The following SATB2 variants were observed in gnomAD, a reference collection of about 807,000 sequenced individuals.
SATB2 encodes the protein DNA-binding protein SATB2.
A neutral mutation model predicts 73.4 loss-of-function variants in SATB2; 1 was observed. That is an observed-to-expected ratio of 0.01 (90% CI 0.00 to 0.06). The LOEUF (loss-of-function observed/expected upper bound fraction) is 0.06. SATB2 is among the 10% of genes least tolerant of loss of function. SATB2 has a pLI of 1.00. For synonymous variants in SATB2, 397 were observed against 367.0 expected (o/e 1.08, Z -0.93); for missense variants, 459 against 945.8 (o/e 0.49, Z 6.75).
In SATB2 at chr2:199,463,307, T is replaced by C. The variant is rs915836552; in HGVS notation, c.-141+1529A>G. On this transcript the variant is annotated intron_variant, in intron 1 of 11. Transcript: ENST00000260926. This position sits in a 1 kb window ranked among gnomAD's most constrained non-coding sequence, Gnocchi z 6.4. ...GTAAACCGGGACAACAAGGCAAGGG[T>C]GGGGGAAGAAAAGGAAGCGCCGAAG... 1.3e-5 allele frequency among the ~76,000 whole-genome samples: 2 copies of C among 151,508 alleles called. No individual in the cohort carries two copies. Among genetic ancestry groups the C allele is most frequent in the Non-Finnish European group, 2.9e-5 (2 of 67,840 alleles).
At chr2:199,404,208 C>G (rs1426326383) in intron 3 of SATB2, among the ~76,000 whole-genome samples, 5 of 152,174 alleles carry the variant, frequency 3.3e-5, no homozygotes, top group African/African-American at 1.2e-4. Flanking sequence ...AGAAAAGAGG[C>G]AAGGCCTTTC....
chr2:199,301,177 A>G (rs1396548421), intron 10 of SATB2, among the ~76,000 whole-genome samples: 1 of 152,178 alleles, frequency 6.6e-6, no homozygotes, highest in Non-Finnish European at 1.5e-5. Flanking sequence ...AAGCTGCAAT[A>G]GAATAAAAAG....
At chr2:199,321,082 A>AAG (rs1559159840) in intron 9 of SATB2, among the ~76,000 whole-genome samples, 1 of 151,774 alleles carries the variant, frequency 6.6e-6, no homozygotes, top group East Asian at 2.0e-4. Flanking sequence ...AAGAAAAATA[A>AAG]AAGGAGGGAA....
At chr2:199,283,670 A>C (rs1390521847) in intron 10 of SATB2, among the ~76,000 whole-genome samples, 1 of 151,106 alleles carries the variant, frequency 6.6e-6, no homozygotes, top group Non-Finnish European at 1.5e-5. Context: ...GCCTGCAACA[A>C]TCAAAGCAGC....
chr2:199,448,548 C>T (rs999092641), intron 2 of SATB2, among the ~76,000 whole-genome samples: 12 of 152,280 alleles, frequency 7.9e-5, no homozygotes, highest in African/African-American at 1.9e-4. Flanking sequence ...GCTGTTTCTA[C>T]GACAAACCCC....
intron 3 of SATB2, among the ~76,000 whole-genome samples, chr2:199,390,347 T>A (rs911913001): frequency 6.6e-6 from 1 of 152,156 alleles, no homozygotes; most frequent in Admixed American, 6.5e-5. Context: ...TTGGGGTTGG[T>A]TCTAAACTTC....
intron 3 of SATB2, among the ~76,000 whole-genome samples, chr2:199,402,438 G>A (rs1690510976): frequency 6.6e-6 from 1 of 152,056 alleles, no homozygotes; most frequent in South Asian, 2.1e-4. Flanking sequence ...GGTACCTGTA[G>A]TCTCAGCTAC....
chr2:199,384,917 CAA>C (rs1359294396), intron 3 of SATB2, among the ~76,000 whole-genome samples: 2 of 152,158 alleles, frequency 1.3e-5, no homozygotes, highest in Admixed American at 1.3e-4. Context: ...CAGTTTATTT[CAA>C]AATACATTGA....
At chr2:199,316,718 C>T (rs1687745329) in intron 9 of SATB2, among the ~76,000 whole-genome samples, 1 of 152,126 alleles carries the variant, frequency 6.6e-6, no homozygotes, top group South Asian at 2.1e-4. Flanking sequence ...CCTTAGCATA[C>T]ACGGAATATG....
chr2:199,356,348 G>A (rs756445466), intron 6 of SATB2, among the ~76,000 whole-genome samples: 89 of 151,536 alleles, frequency 5.9e-4, no homozygotes, highest in Non-Finnish European at 9.4e-4. Flanking sequence ...ACACTGGCTT[G>A]CTTTTGGCAC....
chr2:199,456,004 C>G lies in SATB2; in HGVS notation c.34G>C (p.Asp12His). The G allele has an allele frequency of 6.5e-7, 1 of 1,544,248 alleles. No homozygotes were observed. Among genetic ancestry groups the G allele is most frequent in the Non-Finnish European group, 8.7e-7 (1 of 1,150,000 alleles). The stretch of plus-strand genomic sequence containing the variant: ...CTGCCGCTCCGCCGGTCGGGGCTGT[C>G]CCGCAGACACGGGCTCTCGCTCCGC... ...ERRSESPCLR[D>H]SPDRRSGSPD... Residue 12 changes from aspartate to histidine, a missense_variant, in exon 2 of 11, where the codon GAC becomes CAC. By Grantham distance (81) the Asp-to-His change is moderately conservative (BLOSUM62 -1). Coordinates refer to ENST00000417098, the MANE Select transcript of SATB2 (RefSeq NM_001172509.2).
At chr2:199,448,149 A>G (rs974157489) in intron 2 of SATB2, among the ~76,000 whole-genome samples, 3 of 152,196 alleles carry the variant, frequency 2.0e-5, no homozygotes, top group Non-Finnish European at 4.4e-5. Context: ...CAAAAATGCT[A>G]TTGCTATTTC....
At chr2:199,352,583 G>A (rs1420901610) in intron 6 of SATB2, among the ~76,000 whole-genome samples, 4 of 152,084 alleles carry the variant, frequency 2.6e-5, no homozygotes, top group Non-Finnish European at 4.4e-5. Flanking sequence ...TATTACATCC[G>A]TAGTAACACC....
At chr2:199,364,700 C>T (rs1395446661) in intron 6 of SATB2, among the ~76,000 whole-genome samples, 2 of 152,022 alleles carry the variant, frequency 1.3e-5, no homozygotes, top group African/African-American at 4.8e-5. Flanking sequence ...TTCAATGACC[C>T]TTCAATTCTT....
intron 3 of SATB2, among the ~76,000 whole-genome samples, chr2:199,417,034 T>TCACA (rs1448560964): frequency 0.018 from 1,283 of 70,946 alleles, 18 homozygotes; most frequent in African/African-American, 0.059. Context: ...AGACTCCGTC[T>TCACA]CTCACACACA....
upstream of SATB2, among the ~76,000 whole-genome samples, chr2:199,465,647 G>A (rs1170011959): frequency 6.6e-6 from 1 of 152,196 alleles, no homozygotes; most frequent in Non-Finnish European, 1.5e-5. Context: ...CTGCGGAGTT[G>A]CTGGCACCTA....
chr2:199,375,536 C>T (rs1689574698), intron 5 of SATB2, among the ~76,000 whole-genome samples: 1 of 152,316 alleles, frequency 6.6e-6, no homozygotes, highest in Non-Finnish European at 1.5e-5. Context: ...CTTTCTTCCA[C>T]CTTCAAAACT....
chr2:199,348,595 T>C (rs760800965), intron 7 of SATB2, 106 bp downstream of exon 7: 2 of 868,980 alleles, frequency 2.3e-6, no homozygotes, highest in African/African-American at 1.7e-5. Flanking sequence ...TCTAATTCTA[T>C]GTCCTGAGAT....
chr2:199,391,083 C>T (rs910319845), intron 3 of SATB2, among the ~76,000 whole-genome samples: 14 of 152,182 alleles, frequency 9.2e-5, no homozygotes, highest in Admixed American at 7.2e-4. Context: ...GAAGCAACTA[C>T]GGCTATAACT....
Sources: allele counts gnomAD v4.1 joint callset (sites outside exome capture counted in the v4.1 genomes callset), GRCh38; gene constraint gnomAD v4.1.1; non-coding constraint Gnocchi (gnomAD v3.1); transcripts MANE v1.5; gene names NCBI Gene and HGNC (gene_info 2026-07-23, HGNC 2026-07-21).